Variants in SVEP1 observed in about 807,000 individuals in gnomAD.
SVEP1 encodes the protein sushi, von Willebrand factor type A, EGF and pentraxin domain-containing protein 1.
SVEP1 carries 164 observed loss-of-function variants against 367.3 expected under a neutral mutation model. That is an observed-to-expected ratio of 0.45 (90% CI 0.39 to 0.51). The LOEUF is 0.51. Among genes scored for constraint, SVEP1 ranks in the 20% least tolerant of loss-of-function variants. The probability of loss-of-function intolerance (pLI) is 0.00; values close to 1 mark genes in which losing one functional copy is unlikely to be tolerated. For missense variants in SVEP1, 4,117 were observed against 4,425.3 expected (o/e 0.93, Z 1.98); for synonymous variants, 1,666 against 1,611.6 (o/e 1.03, Z -0.81).
chr9:110,393,857 A>G (rs1478097217), intron 40 of SVEP1, among the ~76,000 whole-genome samples: 2 of 152,228 alleles, frequency 1.3e-5, no homozygotes, highest in Non-Finnish European at 1.5e-5. Flanking sequence ...CAAAGCAGCC[A>G]GGAAGCTTGA....
At chr9:110,374,386 A>ATGCTT (rs1827319592) in intron 46 of SVEP1, among the ~76,000 whole-genome samples, 1 of 152,212 alleles carries the variant, frequency 6.6e-6, no homozygotes, top group African/African-American at 2.4e-5. Context: ...GCAGTGGCTC[A>ATGCTT]TGCTTGTAAT....
chr9:110,435,164 C>A, intron 29 of SVEP1, 77 bp downstream of exon 29: 1 of 1,531,748 alleles, frequency 6.5e-7, no homozygotes, highest in Non-Finnish European at 8.8e-7. Context: ...ATAGAGAATT[C>A]TGAACTGTCT....
intron 3 of SVEP1, among the ~76,000 whole-genome samples, chr9:110,524,858 T>C (rs1829922160): frequency 6.6e-6 from 1 of 152,026 alleles, no homozygotes; most frequent in Non-Finnish European, 1.5e-5. Context: ...ACTACCTGTG[T>C]GCACCACCAT....
chr9:110,517,113 T>C (rs1264434331), intron 3 of SVEP1, among the ~76,000 whole-genome samples: 1 of 152,052 alleles, frequency 6.6e-6, no homozygotes, highest in African/African-American at 2.4e-5. Flanking sequence ...TATTGGTAAG[T>C]AGGTGGGAAG....
intron 40 of SVEP1, among the ~76,000 whole-genome samples, chr9:110,399,175 A>G (rs1588033844): frequency 6.6e-6 from 1 of 152,194 alleles, no homozygotes; most frequent in Non-Finnish European, 1.5e-5. Flanking sequence ...ATGAAAAATG[A>G]TGAGTTCATG....
chr9:110,528,131 C>CGTGTGTGT (rs35039778), intron 3 of SVEP1, among the ~76,000 whole-genome samples: 38 of 65,374 alleles, frequency 5.8e-4, no homozygotes, highest in South Asian at 2.0e-3. Context: ...TACATACACA[C>CGTGTGTGT]GTGTGTGTGT....
At chr9:110,476,657 C>T (rs1395689807) in intron 13 of SVEP1, among the ~76,000 whole-genome samples, 1 of 152,146 alleles carries the variant, frequency 6.6e-6, no homozygotes, top group African/African-American at 2.4e-5. Context: ...ATCCCCCAAG[C>T]CTTCCTCTAT....
At position 110,408,910 on chromosome 9, in the gene SVEP1, C is replaced by A; in HGVS notation, c.6690G>T (p.Gln2230His). ...GRIFESEVRY[Q>H]CNPGYKSVGS... The stretch of plus-strand genomic sequence containing the variant: ...CGACTGACTTATAGCCCGGGTTACA[C>A]TGATACCTCACTTCACTCTCAAAGA... Residue 2230 changes from glutamine to histidine, a missense_variant, in exon 38 of 48, where the codon CAG (glutamine) becomes CAT (histidine). Coordinates refer to ENST00000374469, the MANE Select transcript of SVEP1 (RefSeq NM_153366.4). The A allele has an allele frequency of 6.2e-7, 1 of 1,605,256 alleles. No individual in the cohort carries two copies. The highest frequency in any genetic ancestry group is 8.5e-7 in the Non-Finnish European group (1 of 1,175,602).
At chr9:110,400,364 A>G (rs1358086917) in intron 40 of SVEP1, among the ~76,000 whole-genome samples, 1 of 143,300 alleles carries the variant, frequency 7.0e-6, no homozygotes, top group East Asian at 2.0e-4. Context: ...TTTGAGACTT[A>G]TTTTGCTTTT....
chr9:110,494,350 A>C (rs1829413701), intron 8 of SVEP1, among the ~76,000 whole-genome samples: 1 of 152,198 alleles, frequency 6.6e-6, no homozygotes, highest in South Asian at 2.1e-4. Context: ...AAGAGGAAAA[A>C]GCTTTGAAGT....
intron 3 of SVEP1, among the ~76,000 whole-genome samples, chr9:110,542,304 T>C (rs987089490): frequency 6.6e-5 from 10 of 152,164 alleles, no homozygotes. Flanking sequence ...AACATACTCA[T>C]CTTTCCTGAG....
chr9:110,435,144 G>A, intron 29 of SVEP1, 97 bp downstream of exon 29: 5 of 1,397,910 alleles, frequency 3.6e-6, no homozygotes, highest in Middle Eastern at 1.9e-4. Flanking sequence ...AGTCACATAC[G>A]ATTGGACCGA....
intron 40 of SVEP1, among the ~76,000 whole-genome samples, chr9:110,396,796 G>C (rs548418402): frequency 4.6e-5 from 7 of 152,242 alleles, no homozygotes; most frequent in African/African-American, 1.7e-4. Context: ...AAACCAGGAA[G>C]TAGTTGAATC....
In SVEP1 at chr9:110,407,045, T is replaced by C. The variant is rs748500026; in HGVS notation, c.8555A>G (p.Gln2852Arg). 6.2e-7 allele frequency: 1 copy of C among 1,613,968 alleles called. No individual in the cohort carries two copies. Among genetic ancestry groups the C allele is most frequent in the Admixed American group, 1.7e-5 (1 of 60,014 alleles). ...GQVRGDEYTF[Q>R]KEIEYTCNEG... ...ATTGCAAGTGTATTCAATCTCTTTT[T>C]GGAATGTGTACTCGTCTCCTCTCAC... Residue 2852 changes from glutamine (Q) to arginine (R), a missense_variant, in exon 38 of 48, where the codon CAA (glutamine) becomes CGA (arginine). By Grantham distance (43) the Gln-to-Arg change is conservative (BLOSUM62 1). Around this residue, in one of 4 missense-constraint regions of SVEP1, gnomAD observed 1,765 missense variants for 1,781.1 expected, o/e 0.99. Coordinates refer to ENST00000374469, the MANE Select transcript of SVEP1 (RefSeq NM_153366.4).
intron 1 of SVEP1, among the ~76,000 whole-genome samples, chr9:110,566,556 C>T (rs1185501419): frequency 6.6e-6 from 1 of 152,096 alleles, no homozygotes; most frequent in Non-Finnish European, 1.5e-5. Flanking sequence ...ATGCAACCAA[C>T]ATTTTATGCA....
Position 110,481,344 on chromosome 9 carries a change from C to A in SVEP1, c.2263G>T (p.Glu755Ter). 6.2e-7 allele frequency: 1 copy of A among 1,611,254 alleles called. No individual in the cohort carries two copies. The highest frequency in any genetic ancestry group is 8.5e-7 in the Non-Finnish European group (1 of 1,178,718). ...TGVNCTLTCL[E>*]GYDFTEGSTD... ...GACCCTTCTGTGAAATCATAGCCCT[C>A]CAAGCAAGTTAATGTACAGTTGACT... Residue 755 changes from glutamate (E) to a stop codon, truncating the protein, a stop_gained, in exon 12 of 48, where the codon GAG becomes TAG. Transcript: ENST00000374469. LOFTEE classifies it high-confidence loss of function.
At position 110,407,958 on chromosome 9, in the gene SVEP1, C is replaced by T; in HGVS notation, c.7642G>A (p.Ala2548Thr). Residue 2548 changes from alanine to threonine, a missense_variant, in exon 38 of 48, where the codon GCC becomes ACC. Coordinates refer to ENST00000374469, the MANE Select transcript of SVEP1 (RefSeq NM_153366.4). ...CLETGDWDVD[A>T]PSCNAIHCDS... ...CAGTGGATGGCATTGCAAGATGGGG[C>T]ATCTACATCCCAATCACCTGTCTCT... The T allele has an allele frequency of 1.9e-6, 3 of 1,613,992 alleles. No homozygotes were observed. The highest frequency in any genetic ancestry group is 2.5e-6 in the Non-Finnish European group (3 of 1,179,888).
intron 22 of SVEP1, 27 bp downstream of exon 22, chr9:110,455,563 G>C (rs1245458292): frequency 6.5e-7 from 1 of 1,540,584 alleles, no homozygotes; most frequent in Non-Finnish European, 8.9e-7. Flanking sequence ...GATTTATATT[G>C]TTGAAAACAG....
rs1828540174 is a variant in SVEP1 at position 110,443,240 on chromosome 9, C to CA, written c.4639+304dup. 3 of 247,158 alleles carry CA rather than the reference C, an allele frequency of 1.2e-5. No individual in the cohort carries two copies. In the South Asian group the frequency reaches 5.1e-4, roughly 42 times the overall value. The allele number at this position is 247,158 out of a possible 1,614,324, so 15.3% of individuals were successfully genotyped here. A position where few individuals can be genotyped will look rare whatever the true frequency, so the allele number is the denominator to read the frequency against. ...AAAACAAAACAATCCTTAAAATAAA[C>CA]AAAAAATACCAGTAATTAATCTCCT... On this transcript the variant is annotated intron_variant, in intron 27 of 47. Coordinates refer to ENST00000374469, the MANE Select transcript of SVEP1 (RefSeq NM_153366.4).
Sources: gnomAD v4.1 joint callset for allele counts (sites outside exome capture counted in the v4.1 genomes callset) on GRCh38, gnomAD v4.1.1 for gene constraint, gnomAD v4.1.1 regional missense constraint, MANE v1.5 for transcripts, NCBI Gene and HGNC (gene_info 2026-07-23, HGNC 2026-07-21) for gene names.